CNGB3: variants seen among roughly 807,000 people sequenced by gnomAD.
CNGB3 encodes cyclic nucleotide gated channel subunit beta 3, also known as cyclic nucleotide-gated channel beta-3.
Under a neutral mutation model 92.8 loss-of-function variants are expected in CNGB3, and 86 were observed. That is an observed-to-expected ratio of 0.93 (90% CI 0.78 to 1.11). The LOEUF is 1.11. CNGB3 is among the 50% of genes least tolerant of loss of function. CNGB3 has a pLI of 0.00. For synonymous variants in CNGB3, 333 were observed against 332.7 expected (o/e 1.00, Z -0.01); for missense variants, 1,026 against 956.8 (o/e 1.07, Z -0.95).
Position 86,652,470 on chromosome 8 carries a change from A to G in CNGB3, c.903+1542T>C, listed in dbSNP as rs1303902098. On this transcript the variant is annotated intron_variant, in intron 7 of 17. Coordinates refer to ENST00000320005, the MANE Select transcript of CNGB3 (RefSeq NM_019098.5). ...TTTATAAGCTTTTGAATTTTTAAAA[A>G]CTTTTTTACTCTTTTGTAATAACAC... Among the ~76,000 whole-genome samples, 5 of 152,028 alleles carry G rather than the reference A, an allele frequency of 3.3e-5. No individual in the cohort carries two copies. In the East Asian group the frequency reaches 9.6e-4, roughly 29 times the overall value.
intron 15 of CNGB3, among the ~76,000 whole-genome samples, chr8:86,588,013 T>C (rs1396592256): frequency 6.9e-6 from 1 of 145,904 alleles, no homozygotes; most frequent in African/African-American, 2.5e-5. Flanking sequence ...TTTTATTTCC[T>C]TGAGCAGCGG....
intron 2 of CNGB3, among the ~76,000 whole-genome samples, chr8:86,735,177 G>C (rs1382289144): frequency 1.1e-5 from 1 of 91,704 alleles, no homozygotes; most frequent in Non-Finnish European, 2.0e-5. Context: ...GAGTCTTGCT[G>C]TGTTGCCCAG....
At chr8:86,657,694 A>G in intron 6 of CNGB3, 1 of 451,700 alleles carries the variant, frequency 2.2e-6, no homozygotes, top group Admixed American at 2.6e-5. Context: ...TTGCCATGCC[A>G]CTTGTTGTGG....
intron 3 of CNGB3, among the ~76,000 whole-genome samples, chr8:86,684,734 G>T (rs1031066464): frequency 4.0e-5 from 6 of 150,922 alleles, no homozygotes; most frequent in African/African-American, 1.5e-4. Flanking sequence ...TTGATTAAAA[G>T]CCAATCTCTA....
At chr8:86,700,071 T>C (rs1824523020) in intron 3 of CNGB3, among the ~76,000 whole-genome samples, 1 of 152,226 alleles carries the variant, frequency 6.6e-6, no homozygotes, top group Admixed American at 6.5e-5. Context: ...TAAATTGTTA[T>C]AACTTTTTAT....
intron 6 of CNGB3, chr8:86,661,977 T>C (rs1178999660): frequency 8.0e-6 from 4 of 499,184 alleles, no homozygotes; most frequent in Non-Finnish European, 1.5e-5. Context: ...CTGGCCTCCG[T>C]GGTGTCTTGT....
intron 15 of CNGB3, among the ~76,000 whole-genome samples, chr8:86,597,806 C>T (rs1822204434): frequency 6.6e-6 from 1 of 151,910 alleles, no homozygotes; most frequent in African/African-American, 2.4e-5. Context: ...ATGGTGAAAC[C>T]CCGTCTCTAC....
intron 2 of CNGB3, among the ~76,000 whole-genome samples, chr8:86,731,640 G>A (rs1825156934): frequency 6.6e-6 from 1 of 152,004 alleles, no homozygotes; most frequent in African/African-American, 2.4e-5. Flanking sequence ...ACCAGTGCTG[G>A]GTACTGAACA....
At chr8:86,618,146 T>C (rs1822653033) in intron 13 of CNGB3, among the ~76,000 whole-genome samples, 1 of 152,150 alleles carries the variant, frequency 6.6e-6, no homozygotes, top group South Asian at 2.1e-4. Context: ...CCACTGCTGA[T>C]CTGACAGGAG....
At chr8:86,592,324 G>C (rs1036063325) in intron 15 of CNGB3, among the ~76,000 whole-genome samples, 14 of 152,218 alleles carry the variant, frequency 9.2e-5, no homozygotes, top group African/African-American at 3.4e-4. Flanking sequence ...GCTGGGAGCT[G>C]TAGACTGGAA....
intron 6 of CNGB3, among the ~76,000 whole-genome samples, chr8:86,666,590 A>C (rs1008250383): frequency 1.3e-5 from 2 of 152,162 alleles, no homozygotes; most frequent in African/African-American, 2.4e-5. Flanking sequence ...ATGCTAGCTG[A>C]CATTTAATAC....
intron 2 of CNGB3, among the ~76,000 whole-genome samples, chr8:86,728,211 G>A (rs1825096255): frequency 6.6e-6 from 1 of 152,020 alleles, no homozygotes. Context: ...GGGATACAAA[G>A]GTCTCAATAT....
chr8:86,695,179 G>C (rs915596306), intron 3 of CNGB3, among the ~76,000 whole-genome samples: 1 of 151,890 alleles, frequency 6.6e-6, no homozygotes, highest in Admixed American at 6.6e-5. Flanking sequence ...GCCTGCAATC[G>C]CAGGCACTCG....
intron 2 of CNGB3, among the ~76,000 whole-genome samples, chr8:86,727,131 T>C (rs1398175300): frequency 6.6e-6 from 1 of 152,196 alleles, no homozygotes; most frequent in East Asian, 1.9e-4. Flanking sequence ...TATGTTATTA[T>C]AATCTTATGA....
intron 1 of CNGB3, among the ~76,000 whole-genome samples, chr8:86,740,815 G>A (rs111231409): frequency 0.017 from 2,528 of 152,202 alleles, 77 homozygotes; most frequent in African/African-American, 0.058. Flanking sequence ...ATATGAAATT[G>A]ATTGAGTGGC....
At chr8:86,607,776 T>A (rs2131562318) in intron 14 of CNGB3, among the ~76,000 whole-genome samples, 1 of 152,322 alleles carries the variant, frequency 6.6e-6, no homozygotes, top group South Asian at 2.1e-4. Context: ...TCCTGGGGAT[T>A]AAGTAGGTCA....
intron 3 of CNGB3, chr8:86,704,314 T>C (rs999444479): frequency 6.6e-5 from 10 of 152,168 alleles, no homozygotes; most frequent in African/African-American, 2.4e-4. Context: ...AGAGGAGAGA[T>C]CGTGTTGCTG....
intron 15 of CNGB3, among the ~76,000 whole-genome samples, chr8:86,587,496 T>C (rs1406230721): frequency 6.6e-6 from 1 of 152,210 alleles, no homozygotes; most frequent in Admixed American, 6.5e-5. Context: ...CTTTAATCCA[T>C]ATTGAATTGA....
rs1821637718 is a variant in CNGB3 at position 86,575,288 on chromosome 8, A to G, written c.*516T>C. 6.6e-6 allele frequency: 1 copy of G among 152,220 alleles called. No individual in the cohort carries two copies. The highest frequency in any genetic ancestry group is 2.4e-5 in the African/African-American group (1 of 41,414). The allele number at this position is 152,220 out of a possible 1,614,324, so 9.4% of individuals were successfully genotyped here. A position where few individuals can be genotyped will look rare whatever the true frequency, so the allele number is the denominator to read the frequency against. On this transcript the variant is annotated 3_prime_UTR_variant, in exon 18 of 18. Coordinates refer to ENST00000320005, the MANE Select transcript of CNGB3 (RefSeq NM_019098.5). ...AGTCCCAGCTGCTGGGGATTTTTTG[A>G]TATTACAGTGACTCATCATCCTCAT... is the stretch of plus-strand genomic sequence containing the variant.
Sources: allele counts gnomAD v4.1 joint callset (sites outside exome capture counted in the v4.1 genomes callset), GRCh38; gene constraint gnomAD v4.1.1; transcripts MANE v1.5; gene names NCBI Gene and HGNC (gene_info 2026-07-23, HGNC 2026-07-21).